Variants in ZFAT observed in about 807,000 individuals in gnomAD.
ZFAT encodes zinc finger protein ZFAT.
A neutral mutation model predicts 117.7 loss-of-function variants in ZFAT; 64 were observed. That is an observed-to-expected ratio of 0.54 (90% CI 0.44 to 0.67). The LOEUF (loss-of-function observed/expected upper bound fraction) is 0.67, where lower values mean the gene tolerates loss of function less well. ZFAT is among the 30% of genes least tolerant of loss of function. The pLI is 0.00. For synonymous variants in ZFAT, 679 were observed against 615.0 expected, an observed-to-expected ratio of 1.10 and a Z score of -1.54; for missense variants, 1,433 against 1,584.5, an observed-to-expected ratio of 0.90 and a Z score of 1.62.
chr8:134,724,922 A>G, the ZFAT span, among the ~76,000 whole-genome samples: 1 of 152,122 alleles, frequency 6.6e-6, no homozygotes, highest in African/African-American at 2.4e-5. Context: ...CTTGGCAACC[A>G]AGCTCACCTC....
intron 14 of ZFAT, among the ~76,000 whole-genome samples, chr8:134,511,407 T>C (rs1157812075): frequency 6.6e-6 from 1 of 152,098 alleles, no homozygotes; most frequent in Non-Finnish European, 1.5e-5. Context: ...GCCTCGACTC[T>C]CCCGTCTGCA....
chr8:134,545,021 C>T (rs2130656294), intron 11 of ZFAT, among the ~76,000 whole-genome samples: 1 of 152,248 alleles, frequency 6.6e-6, no homozygotes, highest in East Asian at 1.9e-4. Context: ...AGCAACTGAG[C>T]TCATAAAAGC....
At chr8:134,759,246 T>A in the ZFAT span, among the ~76,000 whole-genome samples, 1 of 152,108 alleles carries the variant, frequency 6.6e-6, no homozygotes, top group African/African-American at 2.4e-5. Flanking sequence ...GGGAGGTAAG[T>A]CGAATTTTCA....
At chr8:134,821,426 A>G in the ZFAT span, among the ~76,000 whole-genome samples, 2 of 152,146 alleles carry the variant, frequency 1.3e-5, no homozygotes, top group Non-Finnish European at 1.5e-5. Context: ...GTCAGACCAC[A>G]TCGGAAGTAG....
intron 1 of ZFAT, among the ~76,000 whole-genome samples, chr8:134,702,734 C>T (rs11997582): frequency 0.019 from 2,872 of 151,342 alleles, 108 homozygotes; most frequent in African/African-American, 0.066. Context: ...TACAGTGGCG[C>T]GATCTCGGCT....
chr8:134,624,425 G>C (rs773469040), intron 3 of ZFAT, among the ~76,000 whole-genome samples: 4 of 152,006 alleles, frequency 2.6e-5, no homozygotes, highest in Non-Finnish European at 5.9e-5. Flanking sequence ...GGAGGCCAAG[G>C]CGAGCAGATC....
At chr8:134,723,837 TCAGAGAGAAATGCTGCTG>T in the ZFAT span, 2 of 152,192 alleles carry the variant, frequency 1.3e-5, no homozygotes, top group African/African-American at 4.8e-5. Context: ...AGTAACTGGC[TCAGAGAGAAATGCTGCTG>T]TAACAGCTGA....
chr8:134,668,499 G>A (rs1022727201), intron 1 of ZFAT, among the ~76,000 whole-genome samples: 1 of 152,248 alleles, frequency 6.6e-6, no homozygotes, highest in African/African-American at 2.4e-5. Context: ...ACAGGGTCTG[G>A]AGTGGACCTC....
intron 11 of ZFAT, among the ~76,000 whole-genome samples, chr8:134,550,360 A>AT (rs1223109983): frequency 1.3e-5 from 2 of 150,438 alleles, no homozygotes; most frequent in African/African-American, 4.9e-5. Context: ...CCAGAGAGAA[A>AT]ATGCCAGGCC....
chr8:134,738,049 C>T, the ZFAT span, among the ~76,000 whole-genome samples: 1 of 152,120 alleles, frequency 6.6e-6, no homozygotes, highest in Admixed American at 6.5e-5. Flanking sequence ...GACTGACATA[C>T]CAAGGCTGAA....
At chr8:134,816,965 A>C in the ZFAT span, among the ~76,000 whole-genome samples, 3 of 150,896 alleles carry the variant, frequency 2.0e-5, no homozygotes, top group East Asian at 5.8e-4. Flanking sequence ...TGGGTGACAG[A>C]GTAAGACTCC....
intron 2 of ZFAT, among the ~76,000 whole-genome samples, chr8:134,654,637 G>C (rs149305078): frequency 1.3e-5 from 2 of 152,370 alleles, no homozygotes; most frequent in East Asian, 3.9e-4. Context: ...AGTTTGAGGA[G>C]CCCTGCTTTG....
At chr8:134,522,033 T>A (rs537622699) in intron 12 of ZFAT, among the ~76,000 whole-genome samples, 1 of 152,358 alleles carries the variant, frequency 6.6e-6, no homozygotes, top group Admixed American at 6.5e-5. Context: ...TTCCGCAGCA[T>A]CCTGGAATCT....
chr8:134,736,849 G>A, the ZFAT span, among the ~76,000 whole-genome samples: 4 of 152,202 alleles, frequency 2.6e-5, no homozygotes, highest in East Asian at 7.8e-4. Flanking sequence ...GCCTCCCAAA[G>A]TGCTGGGATT....
rs370367994 is a variant in ZFAT at position 134,602,492 on chromosome 8, A to T, written c.1227T>A (p.Cys409Ter). 6.2e-7 allele frequency: 1 copy of T among 1,613,846 alleles called. No individual in the cohort carries two copies. ...CCAGCTCGTTCTTGAACTTGCGCTC[A>T]CAGATGTGGCAGTCATAGAGCAGCT... ...KRQLLYDCHI[C>*]ERKFKNELDR... The change falls in exon 6 of 16, where the codon TGT becomes TGA. Residue 409 changes from cysteine (C) to a stop codon, truncating the protein, a stop_gained. Transcript: ENST00000377838. LOFTEE classifies it high-confidence loss of function.
chr8:134,489,716 C>T (rs554179384), intron 15 of ZFAT, among the ~76,000 whole-genome samples: 1 of 152,330 alleles, frequency 6.6e-6, no homozygotes, highest in East Asian at 1.9e-4. Flanking sequence ...TGTCTTCAGG[C>T]TGACAACTCC....
the ZFAT span, among the ~76,000 whole-genome samples, chr8:134,832,209 C>A: frequency 6.6e-6 from 1 of 151,524 alleles, no homozygotes; most frequent in Non-Finnish European, 1.5e-5. Flanking sequence ...CAGCCTCCGC[C>A]GCGTCCGTCA....
the ZFAT span, among the ~76,000 whole-genome samples, chr8:134,813,695 G>A: frequency 1.3e-5 from 2 of 152,096 alleles, no homozygotes; most frequent in Non-Finnish European, 2.9e-5. Context: ...TGGGATTAGA[G>A]GCGTGAGCCA....
the ZFAT span, among the ~76,000 whole-genome samples, chr8:134,770,373 T>C: frequency 6.6e-6 from 1 of 152,238 alleles, no homozygotes; most frequent in African/African-American, 2.4e-5. Context: ...ATTAATACTT[T>C]TATAATTTCT....
Sources: allele counts gnomAD v4.1 joint callset (sites outside exome capture counted in the v4.1 genomes callset), GRCh38; gene constraint gnomAD v4.1.1; transcripts MANE v1.5; gene names NCBI Gene and HGNC (gene_info 2026-07-23, HGNC 2026-07-21).